The following SYT1 variants were observed in gnomAD, a reference collection of about 807,000 sequenced individuals.
SYT1 encodes synaptotagmin-1.
A neutral mutation model predicts 44.8 loss-of-function variants in SYT1; 8 were observed. The ratio of observed to expected loss-of-function variants is 0.18; its 90% CI spans 0.10 to 0.32. The LOEUF (loss-of-function observed/expected upper bound fraction) is 0.32. SYT1 is among the 10% of genes least tolerant of loss of function. The probability of loss-of-function intolerance (pLI) is 1.00; values close to 1 mark genes in which losing one functional copy is unlikely to be tolerated. For missense variants in SYT1, 286 were observed against 509.3 expected, an observed-to-expected ratio of 0.56 and a Z score of 4.22; for synonymous variants, 154 against 188.8, an observed-to-expected ratio of 0.82 and a Z score of 1.51.
chr12:79,068,842 A>C (rs1478555402), intron 3 of SYT1, among the ~76,000 whole-genome samples: 2 of 152,106 alleles, frequency 1.3e-5, no homozygotes, highest in African/African-American at 4.8e-5. Flanking sequence ...CATGAGATCC[A>C]TGTGGGAAAA....
At position 79,444,223 on chromosome 12, in the gene SYT1, C is replaced by G. The variant is rs201838491; in HGVS notation, c.1062+17C>G. ...CAAATCCAGGTAATGTCAAACATAA[C>G]TTTGTCTTCCCACTCAATTTCATTC... On this transcript the variant is annotated intron_variant, in intron 10 of 10. Transcript: ENST00000261205. 6.2e-7 allele frequency: 1 copy of G among 1,611,420 alleles called. No individual in the cohort carries two copies. The highest frequency in any genetic ancestry group is 8.5e-7 in the Non-Finnish European group (1 of 1,178,652).
rs1435623372 is a variant in SYT1 at position 78,909,918 on chromosome 12, TAGTC to T, written c.-217+44811_-217+44814del. On this transcript the variant is annotated intron_variant, in intron 1 of 10. Coordinates refer to ENST00000261205, the MANE Select transcript of SYT1 (RefSeq NM_005639.3). ...AAAAATGTACTCTCTCTTTAAATAA[TAGTC>T]ATTCATAAAGTTATCAGATATTACT... Among the ~76,000 whole-genome samples the T allele has an allele frequency of 5.3e-5, 8 of 151,968 alleles. No homozygotes were observed. In the Admixed American group the frequency reaches 5.3e-4, roughly 10 times the overall value.
chr12:79,147,096 C>T (rs1480870895), intron 3 of SYT1, among the ~76,000 whole-genome samples: 1 of 152,112 alleles, frequency 6.6e-6, no homozygotes, highest in Non-Finnish European at 1.5e-5. Flanking sequence ...GCCTTGGCCT[C>T]CCAAAGTGCT....
At chr12:78,993,788 A>G (rs991163039) in intron 2 of SYT1, among the ~76,000 whole-genome samples, 4 of 152,310 alleles carry the variant, frequency 2.6e-5, no homozygotes, top group Middle Eastern at 3.4e-3. Context: ...TCTAAACCCA[A>G]TATGCAATTG....
At chr12:78,986,466 C>A (rs1456759357) in intron 2 of SYT1, among the ~76,000 whole-genome samples, 1 of 151,676 alleles carries the variant, frequency 6.6e-6, no homozygotes, top group Non-Finnish European at 1.5e-5. Context: ...ATTTTACTAA[C>A]TGAAAATTAT....
rs140144028 is a variant in SYT1 at position 79,037,234 on chromosome 12, C to G, written c.-83-10063C>G. Among the ~76,000 whole-genome samples the G allele has an allele frequency of 3.4e-3, 514 of 151,638 alleles. 2 individuals are homozygous for G. Among genetic ancestry groups the G allele is most frequent in the Middle Eastern group, 0.027 (8 of 294 alleles). On this transcript the variant is annotated intron_variant, in intron 2 of 10. Transcript: ENST00000261205. ...TGCTTTGATAGTGCCCTTATCGTCA[C>G]TCAGTCCCAATTAACTTCCCCAAGC...
At chr12:79,356,151 G>A (rs1883104228) in intron 9 of SYT1, among the ~76,000 whole-genome samples, 1 of 150,630 alleles carries the variant, frequency 6.6e-6, no homozygotes, top group South Asian at 2.1e-4. Context: ...CTGGGAGAGA[G>A]AACAGCCATG....
At chr12:78,931,396 G>A (rs929988116) in intron 1 of SYT1, among the ~76,000 whole-genome samples, 1 of 115,370 alleles carries the variant, frequency 8.7e-6, no homozygotes, top group Non-Finnish European at 1.8e-5. Flanking sequence ...AAGGAAGGAA[G>A]GGAGGAGAGA....
chr12:79,021,189 T>C (rs1872166651), intron 2 of SYT1, among the ~76,000 whole-genome samples: 1 of 151,954 alleles, frequency 6.6e-6, no homozygotes, highest in African/African-American at 2.4e-5. Context: ...TTTTGTATGG[T>C]TGAGCTTCAC....
At chr12:79,100,136 T>G (rs1878361427) in intron 3 of SYT1, among the ~76,000 whole-genome samples, 1 of 152,138 alleles carries the variant, frequency 6.6e-6, no homozygotes, top group African/African-American at 2.4e-5. Context: ...GGAGTGCTTC[T>G]TTGGAGGTAT....
At chr12:79,341,177 T>C (rs1882356194) in intron 8 of SYT1, 1 of 152,232 alleles carries the variant, frequency 6.6e-6, no homozygotes, top group African/African-American at 2.4e-5. Context: ...TTTAAGTGGA[T>C]CACTAATTAT....
Position 79,019,496 on chromosome 12 carries a change from A to T in SYT1, c.-83-27801A>T, listed in dbSNP as rs1404002183. Among the ~76,000 whole-genome samples the T allele has an allele frequency of 2.0e-5, 3 of 152,150 alleles. No individual in the cohort carries two copies. The East Asian group carries it at 5.8e-4, about 30-fold the overall frequency. On this transcript the variant is annotated intron_variant, in intron 2 of 10. Coordinates refer to ENST00000261205, the MANE Select transcript of SYT1 (RefSeq NM_005639.3). ...TCATAATGAAGTTAAAAGTTAATGCAAACATTATATTTCAGAGTGCCTACC... is the reference window on the plus strand; with the variant it reads ...TCATAATGAAGTTAAAAGTTAATGCTAACATTATATTTCAGAGTGCCTACC...
chr12:79,428,975 G>A (rs1422052825), intron 9 of SYT1, among the ~76,000 whole-genome samples: 1 of 152,004 alleles, frequency 6.6e-6, no homozygotes, highest in African/African-American at 2.4e-5. Context: ...AGAGAGAGTG[G>A]GAGGAAAGTG....
At chr12:79,154,991 A>G (rs1367159025) in intron 3 of SYT1, among the ~76,000 whole-genome samples, 1 of 152,142 alleles carries the variant, frequency 6.6e-6, no homozygotes. Context: ...CCACAATTTC[A>G]CTCTTCTAAG....
At chr12:79,067,543 A>G (rs1875958136) in intron 3 of SYT1, among the ~76,000 whole-genome samples, 1 of 152,186 alleles carries the variant, frequency 6.6e-6, no homozygotes, top group Non-Finnish European at 1.5e-5. Context: ...ATTTCTTCAA[A>G]TGCTAAGATA....
At chr12:79,244,915 C>T (rs967620598) in intron 4 of SYT1, among the ~76,000 whole-genome samples, 1 of 151,796 alleles carries the variant, frequency 6.6e-6, no homozygotes, top group African/African-American at 2.4e-5. Context: ...TTAAAAGTTA[C>T]TCAAAAACTT....
intron 2 of SYT1, among the ~76,000 whole-genome samples, chr12:78,983,927 G>A (rs923899672): frequency 9.9e-5 from 15 of 151,944 alleles, no homozygotes; most frequent in African/African-American, 3.6e-4. Context: ...ACATAAAGAT[G>A]TGCCAGTACA....
At chr12:79,072,438 T>G (rs899492818) in intron 3 of SYT1, among the ~76,000 whole-genome samples, 18 of 152,114 alleles carry the variant, frequency 1.2e-4, no homozygotes, top group African/African-American at 4.3e-4. Context: ...ATATGACACA[T>G]AAGCATAAAT....
chr12:78,948,779 T>C (rs952602675), intron 1 of SYT1, among the ~76,000 whole-genome samples: 2 of 151,848 alleles, frequency 1.3e-5, no homozygotes, highest in African/African-American at 4.8e-5. Context: ...ATTTTCTTCC[T>C]GTGCACTGTG....
Sources: gnomAD v4.1 joint callset for allele counts (sites outside exome capture counted in the v4.1 genomes callset) on GRCh38, gnomAD v4.1.1 for gene constraint, MANE v1.5 for transcripts, NCBI Gene and HGNC (gene_info 2026-07-23, HGNC 2026-07-21) for gene names.